The following NOBOX variants were observed in gnomAD, a reference collection of about 807,000 sequenced individuals.
NOBOX encodes the protein NOBOX oogenesis homeobox.
A neutral mutation model predicts 60.2 loss-of-function variants in NOBOX; 46 were observed. That is an observed-to-expected ratio of 0.76 (90% CI 0.60 to 0.98). The LOEUF is 0.98. NOBOX is among the 50% of genes least tolerant of loss of function. The pLI, the probability that NOBOX is intolerant of heterozygous loss-of-function variation, is 0.00. For synonymous variants in NOBOX, 360 were observed against 346.3 expected, an observed-to-expected ratio of 1.04 and a Z score of -0.44; for missense variants, 880 against 865.5, an observed-to-expected ratio of 1.02 and a Z score of -0.21.
At position 144,400,227 on chromosome 7, in the gene NOBOX, C is replaced by A. The variant is rs757187091; in HGVS notation, c.930G>T (p.Gly310=). Residue 310 remains glycine, a synonymous_variant, in exon 5 of 10, where the codon GGG becomes GGT. Transcript: ENST00000467773. ...TTACCATGATGCGCTGGGGGGTCACCCCCACCGTCTGGGCAATCTCTCGGC... is the reference window on the plus strand; with the variant it reads ...TTACCATGATGCGCTGGGGGGTCACACCCACCGTCTGGGCAATCTCTCGGC... 1 of 1,614,068 alleles carries A rather than the reference C, an allele frequency of 6.2e-7. No individual in the cohort carries two copies. Among genetic ancestry groups the A allele is most frequent in the Non-Finnish European group, 8.5e-7 (1 of 1,179,902 alleles).
At chr7:144,399,537 G>T in intron 6 of NOBOX, 55 bp from the exon 5 acceptor site, 1 of 1,415,042 alleles carries the variant, frequency 7.1e-7, no homozygotes, top group Non-Finnish European at 9.8e-7. Flanking sequence ...ATTTGCACAG[G>T]TGCCTCATTG....
chr7:144,408,547 A>G (rs2054001353), intron 1 of NOBOX, among the ~76,000 whole-genome samples: 2 of 152,176 alleles, frequency 1.3e-5, no homozygotes, highest in Admixed American at 6.5e-5. Flanking sequence ...AAGTTCTATC[A>G]TATGATTATC....
intron 1 of NOBOX, chr7:144,404,780 G>A: frequency 7.5e-7 from 1 of 1,338,902 alleles, no homozygotes; most frequent in Non-Finnish European, 1.0e-6. Flanking sequence ...TCTCACAGGG[G>A]TGCAGCCTTA....
Position 144,398,285 on chromosome 7 carries a change from T to C in NOBOX, c.1771A>G (p.Ile591Val), listed in dbSNP as rs768690439. ...TTCTCTCCCAGCCTCAACTCACCTATATTCCCAGCAGGTGGTTGCATCAGG... is the reference window on the plus strand; with the variant it reads ...TTCTCTCCCAGCCTCAACTCACCTACATTCCCAGCAGGTGGTTGCATCAGG... Residue 591 changes from isoleucine (I) to valine (V), a missense_variant, in exon 9 of 10, where the codon ATA becomes GTA. Coordinates refer to ENST00000467773, the MANE Select transcript of NOBOX (RefSeq NM_001080413.3). The C allele has an allele frequency of 1.2e-5, 18 of 1,537,192 alleles. No individual in the cohort carries two copies. In the South Asian group the frequency reaches 1.8e-4, roughly 15 times the overall value.
rs373431640 is a variant in NOBOX, at chr7:144,401,068, C to A, written c.822G>T (p.Lys274Asn). Residue 274 changes from lysine to asparagine, a missense_variant, in exon 4 of 10, where the codon AAG becomes AAT. Lys to Asn is a moderately conservative substitution (Grantham distance 94). Coordinates refer to ENST00000467773, the MANE Select transcript of NOBOX (RefSeq NM_001080413.3). This position sits in a 1 kb window ranked among gnomAD's most constrained non-coding sequence, Gnocchi z 4.2. ...TACCTGAGCGGTATAGGGTTCGTGT[C>A]TTTTTCCTAATTTGGCAGGTCACTT... 4 of 1,528,632 alleles carry A rather than the reference C, an allele frequency of 2.6e-6. No individual in the cohort carries two copies. Among genetic ancestry groups the A allele is most frequent in the Non-Finnish European group, 3.5e-6 (4 of 1,141,028 alleles). The allele number at this position is 1,528,632 out of a possible 1,614,324, so 94.7% of individuals were successfully genotyped here.
chr7:144,402,022 T>G, intron 2 of NOBOX: 3 of 1,119,450 alleles, frequency 2.7e-6, no homozygotes, highest in Non-Finnish European at 4.1e-6. Flanking sequence ...CGGGATGCTG[T>G]TTCTGCTGCA....
intron 1 of NOBOX, among the ~76,000 whole-genome samples, chr7:144,405,433 G>C (rs1354578427): frequency 6.6e-6 from 1 of 152,212 alleles, no homozygotes; most frequent in Non-Finnish European, 1.5e-5. Flanking sequence ...TGTCAGGGTA[G>C]TGTGGTCAGT....
At chr7:144,404,048 G>A (rs915456378) in intron 2 of NOBOX, among the ~76,000 whole-genome samples, 4 of 152,090 alleles carry the variant, frequency 2.6e-5, no homozygotes, top group South Asian at 4.1e-4. Context: ...GTGGTCTTCG[G>A]GGGGCTGGGC....
intron 2 of NOBOX, among the ~76,000 whole-genome samples, chr7:144,404,139 G>A (rs1435781158): frequency 6.6e-6 from 1 of 152,214 alleles, no homozygotes; most frequent in African/African-American, 2.4e-5. Context: ...GACTGTGGAA[G>A]GCGATTTCTA....
At chr7:144,399,649 T>C in intron 6 of NOBOX, 108 bp downstream of exon 4, 1 of 1,174,650 alleles carries the variant, frequency 8.5e-7, no homozygotes, top group Non-Finnish European at 1.2e-6. Flanking sequence ...CTGGCAACCC[T>C]AGGACTCATG....
At chr7:144,400,087 T>C in intron 5 of NOBOX, 119 bp downstream of exon 3, 2 of 1,606,078 alleles carry the variant, frequency 1.2e-6, no homozygotes, top group Admixed American at 1.7e-5. Context: ...CAGCCACGTC[T>C]GAGGCCTCAA....
At chr7:144,403,257 C>A (rs2053955958) in intron 2 of NOBOX, among the ~76,000 whole-genome samples, 1 of 152,108 alleles carries the variant, frequency 6.6e-6, no homozygotes, top group African/African-American at 2.4e-5. Flanking sequence ...TGTTTTACAG[C>A]ATTTTAGGAG....
rs772009724 is a variant in NOBOX, at chr7:144,399,474, G to T, written c.1163C>A (p.Ala388Asp). Reference sequence around the variant, plus strand: ...CATGGGCACAGCAGGTAGGATCTCAGCTGCAGAGCTGGAGGCAGGAAGAAT... The same window carrying T: ...CATGGGCACAGCAGGTAGGATCTCATCTGCAGAGCTGGAGGCAGGAAGAAT... The change falls in exon 7 of 10, where the codon GCT becomes GAT. Residue 388 changes from alanine (A) to aspartate (D), a missense_variant. Physicochemically the swap from Ala to Asp is moderately radical, Grantham distance 126 (BLOSUM62 -2). Transcript: ENST00000467773. 6.3e-7 allele frequency: 1 copy of T among 1,576,158 alleles called. No homozygotes were observed. The highest frequency in any genetic ancestry group is 1.2e-5 in the South Asian group (1 of 85,532).
Position 144,398,534 on chromosome 7 carries a change from AAT to A in NOBOX, c.1520_1521del (p.Asp507ValfsTer91), listed in dbSNP as rs2053910577. 4.6e-6 allele frequency: 7 copies of A among 1,536,400 alleles called. No individual in the cohort carries two copies. Among genetic ancestry groups the A allele is most frequent in the Non-Finnish European group, 6.1e-6 (7 of 1,146,810 alleles). On this transcript the variant is annotated frameshift_variant, in exon 9 of 10. Coordinates refer to ENST00000467773, the MANE Select transcript of NOBOX (RefSeq NM_001080413.3). LOFTEE classifies it high-confidence loss of function. ...GGTCCTGGCTGGTTGCTCTGTTGGT[AAT>A]CCTGGGGCTCCAGCTCCTCCAAATA...
intron 2 of NOBOX, chr7:144,402,074 G>A (rs1418130533): frequency 2.9e-6 from 2 of 701,424 alleles, no homozygotes; most frequent in Non-Finnish European, 2.5e-6. Flanking sequence ...GAAAGGATTC[G>A]ATTGTCTCCA....
chr7:144,397,418 C>T lies in NOBOX; in HGVS notation c.1898G>A (p.Cys633Tyr), dbSNP rs760221504. The T allele has an allele frequency of 5.1e-5, 79 of 1,537,114 alleles. No individual in the cohort carries two copies. Among genetic ancestry groups the T allele is most frequent in the Non-Finnish European group, 5.5e-5 (63 of 1,146,916 alleles). The change falls in exon 10 of 10, where the codon TGC becomes TAC. Residue 633 changes from cysteine (C) to tyrosine (Y), a missense_variant. Physicochemically the swap from Cys to Tyr is radical, Grantham distance 194. Coordinates refer to ENST00000467773, the MANE Select transcript of NOBOX (RefSeq NM_001080413.3). ...AGGCTGCCTGCCCAGAGCCTGGGGGCAGGGAGTTGGAAATAGATCAGGAAA... is the reference window on the plus strand; with the variant it reads ...AGGCTGCCTGCCCAGAGCCTGGGGGTAGGGAGTTGGAAATAGATCAGGAAA...
Position 144,399,878 on chromosome 7 carries a change from G to A in NOBOX, c.1048-15C>T. On this transcript the variant is annotated splice_polypyrimidine_tract_variant and intron_variant, in intron 5 of 9. Coordinates refer to ENST00000467773, the MANE Select transcript of NOBOX (RefSeq NM_001080413.3). ...TGGAACCACACCTATGGGGGGAAAG[G>A]TGCTTGAAGAACTGGAGAAGAGGGG... 6.3e-7 allele frequency: 1 copy of A among 1,596,110 alleles called. No individual in the cohort carries two copies. The highest frequency in any genetic ancestry group is 8.6e-7 in the Non-Finnish European group (1 of 1,165,458).
Position 144,401,996 on chromosome 7 carries a change from T to C in NOBOX, c.211-46A>G. On this transcript the variant is annotated intron_variant, in intron 2 of 9. Coordinates refer to ENST00000467773, the MANE Select transcript of NOBOX (RefSeq NM_001080413.3). This position sits in a 1 kb window ranked among gnomAD's most constrained non-coding sequence, Gnocchi z 4.2. ...CAAAGAGAAACAGATTGACAGAGAT[T>C]CTGCTTCTCCCAAGGCGGGATGCTG... The C allele has an allele frequency of 7.0e-7, 1 of 1,421,976 alleles. No individual in the cohort carries two copies. The highest frequency in any genetic ancestry group is 1.4e-5 in the African/African-American group (1 of 71,116). The allele number at this position is 1,421,976 out of a possible 1,614,324, so 88.1% of individuals were successfully genotyped here.
At chr7:144,402,582 C>G (rs1319996561) in intron 2 of NOBOX, among the ~76,000 whole-genome samples, 3 of 152,008 alleles carry the variant, frequency 2.0e-5, no homozygotes, top group Non-Finnish European at 4.4e-5. Flanking sequence ...CAAATGATCC[C>G]CCCACTTTCA....
Sources: allele counts gnomAD v4.1 joint callset (sites outside exome capture counted in the v4.1 genomes callset), GRCh38; gene constraint gnomAD v4.1.1; non-coding constraint Gnocchi (gnomAD v3.1); transcripts MANE v1.5; gene names NCBI Gene and HGNC (gene_info 2026-07-23, HGNC 2026-07-21).